The following DOCK3 variants were observed in gnomAD, a reference collection of about 807,000 sequenced individuals.
The protein encoded by DOCK3 is dedicator of cytokinesis protein 3.
In DOCK3, 60 loss-of-function variants were observed where a neutral mutation model predicts 265.6. The ratio of observed to expected loss-of-function variants is 0.23; its 90% confidence interval spans 0.18 to 0.28. The LOEUF is 0.28. DOCK3 is among the 10% of genes least tolerant of loss of function. DOCK3 has a pLI of 1.00. For synonymous variants in DOCK3, 881 were observed against 938.0 expected (o/e 0.94, Z 1.11); for missense variants, 1,981 against 2,594.3 (o/e 0.76, Z 5.14).
At chr3:50,945,053 G>A (rs771675858) in intron 5 of DOCK3, among the ~76,000 whole-genome samples, 1 of 152,220 alleles carries the variant, frequency 6.6e-6, no homozygotes, top group Non-Finnish European at 1.5e-5. Flanking sequence ...TTTTCTGTGA[G>A]AGAATTTAAC....
chr3:51,045,158 G>T (rs1191231250), intron 5 of DOCK3, among the ~76,000 whole-genome samples: 2 of 152,050 alleles, frequency 1.3e-5, no homozygotes, highest in Non-Finnish European at 2.9e-5. Flanking sequence ...TCTAGCTTTT[G>T]ATTTAAAGTG....
chr3:51,237,467 G>A (rs1160542238), intron 20 of DOCK3, 23 bp from the exon 21 acceptor site: 1 of 1,573,076 alleles, frequency 6.4e-7, no homozygotes, highest in South Asian at 1.1e-5. Context: ...GAACCCTGAT[G>A]GCTTACTCTC....
intron 27 of DOCK3, among the ~76,000 whole-genome samples, chr3:51,297,923 C>T (rs1164047284): frequency 6.6e-5 from 10 of 151,824 alleles, no homozygotes; most frequent in Admixed American, 6.6e-4. Context: ...GGAGTCGATG[C>T]TACAGTGAAC....
intron 3 of DOCK3, among the ~76,000 whole-genome samples, chr3:50,852,383 T>G (rs555313582): frequency 6.6e-6 from 1 of 152,210 alleles, no homozygotes; most frequent in Non-Finnish European, 1.5e-5. Flanking sequence ...GTTTTCTTAA[T>G]GTTGTGTTTT....
chr3:51,146,554 G>C lies in DOCK3; in HGVS notation c.752G>C (p.Arg251Pro), dbSNP rs754304384. 8.8e-6 allele frequency: 14 copies of C among 1,592,838 alleles called. No individual in the cohort carries two copies. The highest frequency in any genetic ancestry group is 1.0e-5 in the Non-Finnish European group (12 of 1,169,054). ...CTTTCTTTCCTACATTTCAGTGAGC[G>C]GTTTCTGGTAAGACTGAACAAGAAT... ...DMREGKQISE[R>P]FLVRLNKNGG... Residue 251 changes from arginine (R) to proline (P), a missense_variant, in exon 10 of 53, where the codon CGG becomes CCG. By Grantham distance (103) the Arg-to-Pro change is moderately radical. Around this residue, in one of 4 missense-constraint regions of DOCK3, gnomAD observed 456 missense variants for 539.0 expected, o/e 0.85. Transcript: ENST00000266037.
At chr3:51,055,082 T>C (rs2081148622) in intron 5 of DOCK3, among the ~76,000 whole-genome samples, 3 of 152,162 alleles carry the variant, frequency 2.0e-5, no homozygotes, top group South Asian at 2.1e-4. Context: ...AACATTACTT[T>C]AGAGGGATTA....
At chr3:51,072,709 A>T (rs548460049) in intron 6 of DOCK3, among the ~76,000 whole-genome samples, 109 of 152,018 alleles carry the variant, frequency 7.2e-4, no homozygotes, top group African/African-American at 2.6e-3. Context: ...CGCTCAGCTG[A>T]AAACATTTTT....
intron 9 of DOCK3, among the ~76,000 whole-genome samples, chr3:51,122,699 G>C (rs970438400): frequency 5.3e-5 from 8 of 152,174 alleles, no homozygotes; most frequent in Non-Finnish European, 8.8e-5. Flanking sequence ...GCATTTGCAT[G>C]GGAAAAGGAA....
intron 49 of DOCK3, among the ~76,000 whole-genome samples, chr3:51,366,962 T>C (rs369453311): frequency 6.6e-6 from 1 of 152,210 alleles, no homozygotes; most frequent in Non-Finnish European, 1.5e-5. Flanking sequence ...GAATGTATAT[T>C]CTGTTGATTT....
At chr3:51,124,967 T>TA (rs35040855) in intron 9 of DOCK3, among the ~76,000 whole-genome samples, 27 of 126,636 alleles carry the variant, frequency 2.1e-4, no homozygotes, top group East Asian at 1.1e-3. Context: ...CTGTCTCTAC[T>TA]AAAAAAAAAA....
At chr3:50,862,916 C>A (rs115459718) in intron 3 of DOCK3, among the ~76,000 whole-genome samples, 1 of 152,192 alleles carries the variant, frequency 6.6e-6, no homozygotes, top group African/African-American at 2.4e-5. Context: ...CAAGTACACA[C>A]GTGTCACCCT....
rs1272913919 is a variant in DOCK3 at position 51,361,047 on chromosome 3, C to T, written c.5006+415C>T. On this transcript the variant is annotated intron_variant, in intron 47 of 52. Transcript: ENST00000266037. This position sits in a 1 kb window ranked among gnomAD's most constrained non-coding sequence, Gnocchi z 4.2. ...GGGCACGGAAAGGGGATAGGATCAG[C>T]TCTGAGTGGGCCTTGTTCATGCAGG... is the stretch of plus-strand genomic sequence containing the variant. 3.3e-5 allele frequency among the ~76,000 whole-genome samples: 5 copies of T among 152,180 alleles called. No homozygotes were observed. The highest frequency in any genetic ancestry group is 1.3e-4 in the Admixed American group (2 of 15,288).
intron 1 of DOCK3, among the ~76,000 whole-genome samples, chr3:50,699,549 T>A (rs1056894843): frequency 2.0e-4 from 31 of 151,778 alleles, no homozygotes; most frequent in Non-Finnish European, 2.6e-4. Context: ...GCCTCCTGGG[T>A]TCAGGCAGTT....
chr3:50,680,693 T>A (rs1482777638), intron 1 of DOCK3, among the ~76,000 whole-genome samples: 1 of 151,556 alleles, frequency 6.6e-6, no homozygotes, highest in Non-Finnish European at 1.5e-5. Flanking sequence ...TTTTTTTTTA[T>A]AGAGACTGGG....
At chr3:51,176,212 G>A (rs963743706) in intron 12 of DOCK3, among the ~76,000 whole-genome samples, 1 of 152,212 alleles carries the variant, frequency 6.6e-6, no homozygotes, top group African/African-American at 2.4e-5. Context: ...ACAGATTCCA[G>A]TGTTGGTACC....
chr3:50,805,178 T>C (rs1419134715), intron 2 of DOCK3, among the ~76,000 whole-genome samples: 1 of 152,228 alleles, frequency 6.6e-6, no homozygotes, highest in East Asian at 1.9e-4. Flanking sequence ...GAAATTCTTA[T>C]TTGCATGAGT....
intron 49 of DOCK3, among the ~76,000 whole-genome samples, chr3:51,362,891 G>T (rs758406989): frequency 6.6e-6 from 1 of 152,196 alleles, no homozygotes; most frequent in East Asian, 1.9e-4. Flanking sequence ...CCGCTGTGCC[G>T]CCATTGCATT....
At chr3:51,163,889 C>T (rs769540854) in intron 12 of DOCK3, among the ~76,000 whole-genome samples, 1 of 152,006 alleles carries the variant, frequency 6.6e-6, no homozygotes, top group Non-Finnish European at 1.5e-5. Flanking sequence ...TCTTGGCTCT[C>T]AAATTTTATG....
chr3:50,876,095 C>T (rs2047689705), intron 3 of DOCK3, among the ~76,000 whole-genome samples: 1 of 151,950 alleles, frequency 6.6e-6, no homozygotes, highest in Admixed American at 6.6e-5. Flanking sequence ...CAGTCTGTTT[C>T]TGAGAAACAG....
Sources: gnomAD v4.1 joint callset for allele counts (sites outside exome capture counted in the v4.1 genomes callset) on GRCh38, gnomAD v4.1.1 for gene constraint, gnomAD v4.1.1 regional missense constraint, Gnocchi (gnomAD v3.1) non-coding constraint, MANE v1.5 for transcripts, NCBI Gene and HGNC (gene_info 2026-07-23, HGNC 2026-07-21) for gene names.